Variants in KCNB2 observed in about 807,000 individuals in gnomAD.
KCNB2 encodes potassium voltage-gated channel subfamily B member 2.
A neutral mutation model predicts 61.5 loss-of-function variants in KCNB2; 15 were observed. The observed-to-expected ratio is 0.24, with a 90% CI of 0.16 to 0.38. The LOEUF (loss-of-function observed/expected upper bound fraction) is 0.38, where lower values mean the gene tolerates loss of function less well. Ranked by LOEUF, KCNB2 falls within the 10% of genes least tolerant of loss-of-function variation. The probability of loss-of-function intolerance (pLI) is 1.00; values close to 1 mark genes in which losing one functional copy is unlikely to be tolerated. For synonymous variants in KCNB2, 457 were observed against 446.0 expected (o/e 1.02, Z -0.31); for missense variants, 828 against 1,125.2 (o/e 0.74, Z 3.78).
intron 2 of KCNB2, among the ~76,000 whole-genome samples, chr8:72,777,714 A>G (rs1808679113): frequency 6.6e-6 from 1 of 152,192 alleles, no homozygotes; most frequent in Non-Finnish European, 1.5e-5. Context: ...TACCTAATTT[A>G]CTTCTTACAC....
chr8:72,731,574 A>G (rs890272037), intron 2 of KCNB2, among the ~76,000 whole-genome samples: 1 of 152,218 alleles, frequency 6.6e-6, no homozygotes, highest in African/African-American at 2.4e-5. Flanking sequence ...TTCCTCAAGG[A>G]TAAATACTGT....
intron 2 of KCNB2, among the ~76,000 whole-genome samples, chr8:72,784,898 A>G (rs778840219): frequency 5.9e-5 from 9 of 152,084 alleles, no homozygotes; most frequent in Non-Finnish European, 1.2e-4. Context: ...AAGTTTGTTG[A>G]AGGAGAAAGG....
chr8:72,691,960 G>T (rs1224101237), intron 2 of KCNB2, among the ~76,000 whole-genome samples: 1 of 152,040 alleles, frequency 6.6e-6, no homozygotes. Context: ...AAGCTGGCCG[G>T]GTGCGGTGGC....
intron 2 of KCNB2, among the ~76,000 whole-genome samples, chr8:72,849,482 G>T (rs1355475390): frequency 2.0e-5 from 3 of 152,108 alleles, no homozygotes; most frequent in African/African-American, 7.2e-5. Flanking sequence ...ACATTGGAAT[G>T]AGTTCTACCA....
intron 2 of KCNB2, among the ~76,000 whole-genome samples, chr8:72,629,846 T>C (rs1805851906): frequency 6.6e-6 from 1 of 152,186 alleles, no homozygotes; most frequent in Admixed American, 6.5e-5. Context: ...TGGATATCAA[T>C]TCAGTAAGCA....
intron 2 of KCNB2, among the ~76,000 whole-genome samples, chr8:72,754,835 A>T (rs1342136061): frequency 6.6e-6 from 1 of 152,172 alleles, no homozygotes; most frequent in Non-Finnish European, 1.5e-5. Flanking sequence ...TGAAATTTAT[A>T]TAAGTCCGCC....
chr8:72,636,444 T>C (rs1490321415), intron 2 of KCNB2, among the ~76,000 whole-genome samples: 5 of 152,216 alleles, frequency 3.3e-5, no homozygotes, highest in Non-Finnish European at 5.9e-5. Flanking sequence ...TTTTCCTCTA[T>C]TTAGCTCTAA....
At position 72,537,709 on chromosome 8, in the gene KCNB2, G is replaced by A. The variant is rs1341671594; in HGVS notation, c.-270G>A. On this transcript the variant is annotated 5_prime_UTR_variant, in exon 1 of 3. Transcript: ENST00000523207. The stretch of plus-strand genomic sequence containing the variant: ...AAGACAGGGGGAAAGCACGCCGGGA[G>A]CTCCAGCCAGCCGGGGAGACCCTCC... 2 of 152,450 alleles carry A rather than the reference G, an allele frequency of 1.3e-5. No homozygotes were observed. Among genetic ancestry groups the A allele is most frequent in the African/African-American group, 4.8e-5 (2 of 41,466 alleles). The allele number at this position is 152,450 out of a possible 1,614,324, so 9.4% of individuals were successfully genotyped here. A position where few individuals can be genotyped will look rare whatever the true frequency, so the allele number is the denominator to read the frequency against.
chr8:72,928,943 GTT>G (rs35024984), intron 2 of KCNB2, among the ~76,000 whole-genome samples: 3 of 150,134 alleles, frequency 2.0e-5, no homozygotes, highest in Admixed American at 1.3e-4. Context: ...GAGATAAACA[GTT>G]TTTTTTTTAT....
At chr8:72,896,980 T>C (rs961599234) in intron 2 of KCNB2, among the ~76,000 whole-genome samples, 2 of 152,156 alleles carry the variant, frequency 1.3e-5, no homozygotes, top group South Asian at 4.1e-4. Flanking sequence ...ATTGGAATAG[T>C]CTTATGGAAA....
At chr8:72,546,731 A>G (rs1460276745) in intron 1 of KCNB2, among the ~76,000 whole-genome samples, 2 of 152,160 alleles carry the variant, frequency 1.3e-5, no homozygotes, top group African/African-American at 4.8e-5. Context: ...TCCTGGGCTC[A>G]TGGGATCCTC....
intron 2 of KCNB2, among the ~76,000 whole-genome samples, chr8:72,582,440 A>T (rs1356983700): frequency 6.6e-6 from 1 of 152,204 alleles, no homozygotes; most frequent in Non-Finnish European, 1.5e-5. Context: ...AGCAAGAAAG[A>T]GGGGAGTCTG....
rs1462439376 is a variant in KCNB2 at position 72,568,241 on chromosome 8, T to C, written c.507T>C (p.Asn169=). 1 of 1,614,138 alleles carries C rather than the reference T, an allele frequency of 6.2e-7. No individual in the cohort carries two copies. The change falls in exon 2 of 3, where the codon AAT becomes AAC. Residue 169 remains asparagine (N), a synonymous_variant. Transcript: ENST00000523207. ...MREREGEEFD[N]TCCPDKRKKL... ...AGCGAGAAGGAGAAGAGTTTGATAA[T>C]ACCTGCTGCCCTGATAAAAGGAAGA...
At chr8:72,894,716 A>G (rs1458646272) in intron 2 of KCNB2, among the ~76,000 whole-genome samples, 1 of 151,160 alleles carries the variant, frequency 6.6e-6, no homozygotes, top group East Asian at 1.9e-4. Flanking sequence ...CCATTTCCCA[A>G]TAGCTTTACA....
intron 2 of KCNB2, among the ~76,000 whole-genome samples, chr8:72,581,869 C>A (rs189800130): frequency 6.6e-6 from 1 of 152,174 alleles, no homozygotes; most frequent in Non-Finnish European, 1.5e-5. Context: ...ATTTGGTTAT[C>A]GGAACTGTGG....
At chr8:72,741,830 C>A (rs148445198) in intron 2 of KCNB2, among the ~76,000 whole-genome samples, 1,758 of 152,148 alleles carry the variant, frequency 0.012, 29 homozygotes, top group African/African-American at 0.04. Flanking sequence ...ATTAGAAAAT[C>A]AAAAAATAAT....
At chr8:72,675,519 A>AT (rs536932692) in intron 2 of KCNB2, among the ~76,000 whole-genome samples, 3,991 of 145,624 alleles carry the variant, frequency 0.027, 77 homozygotes, top group South Asian at 0.076. Flanking sequence ...CTGCAGTCGG[A>AT]TTTTTTTTTT....
At chr8:72,565,122 G>A (rs1806604297) in intron 1 of KCNB2, among the ~76,000 whole-genome samples, 1 of 138,076 alleles carries the variant, frequency 7.2e-6, no homozygotes, top group South Asian at 2.4e-4. Flanking sequence ...TTTTTGTCAT[G>A]TGTGATGAAA....
intron 2 of KCNB2, chr8:72,875,111 C>CAA (rs139215569): frequency 0.065 from 9,829 of 152,140 alleles, 1,048 homozygotes; most frequent in African/African-American, 0.22. Flanking sequence ...TCTTTTTTCA[C>CAA]AAAGAAACAC....
Sources: gnomAD v4.1 joint callset for allele counts (sites outside exome capture counted in the v4.1 genomes callset) on GRCh38, gnomAD v4.1.1 for gene constraint, MANE v1.5 for transcripts, NCBI Gene and HGNC (gene_info 2026-07-23, HGNC 2026-07-21) for gene names.